The following RNF157 variants were observed in gnomAD, a reference collection of about 807,000 sequenced individuals.
The protein encoded by RNF157 is E3 ubiquitin ligase RNF157.
In RNF157, 55 loss-of-function variants were observed where a neutral mutation model predicts 88.3. The observed-to-expected ratio is 0.62, with a 90% CI of 0.50 to 0.78. The LOEUF is 0.78. RNF157 is among the 30% of genes least tolerant of loss of function. The probability of loss-of-function intolerance (pLI) is 0.00; values close to 1 mark genes in which losing one functional copy is unlikely to be tolerated. For missense variants in RNF157, 788 were observed against 860.8 expected (o/e 0.92, Z 1.06); for synonymous variants, 334 against 341.2 (o/e 0.98, Z 0.23).
rs1333545840 is a variant in RNF157 at position 76,157,895 on chromosome 17, C to T, written c.1413+498G>A. On this transcript the variant is annotated intron_variant, in intron 13 of 18. Transcript: ENST00000269391. This position sits in a 1 kb window ranked among gnomAD's most constrained non-coding sequence, Gnocchi z 5.6. Reference sequence around the variant, plus strand: ...GGGCCTCCCGACACCCCCCACTTACCCCCAGGACTTTCTCCTTGCTGTTCC... The same window carrying T: ...GGGCCTCCCGACACCCCCCACTTACTCCCAGGACTTTCTCCTTGCTGTTCC... Among the ~76,000 whole-genome samples, 3 of 152,006 alleles carry T rather than the reference C, an allele frequency of 2.0e-5. No individual in the cohort carries two copies. Among genetic ancestry groups the T allele is most frequent in the African/African-American group, 7.3e-5 (3 of 41,372 alleles).
chr17:76,194,149 A>C (rs80260056), intron 2 of RNF157, among the ~76,000 whole-genome samples: 1,648 of 152,346 alleles, frequency 0.011, 28 homozygotes, highest in African/African-American at 0.037. Flanking sequence ...AACACACACA[A>C]CAGTGTAACC....
intron 2 of RNF157, among the ~76,000 whole-genome samples, chr17:76,180,844 C>T (rs1344981638): frequency 6.6e-6 from 1 of 152,242 alleles, no homozygotes; most frequent in Non-Finnish European, 1.5e-5. Context: ...GCGGCCATCA[C>T]CGCCATCCAG....
chr17:76,154,079 G>A (rs2068723768), intron 17 of RNF157: 3 of 575,082 alleles, frequency 5.2e-6, no homozygotes, highest in Non-Finnish European at 6.2e-6. Flanking sequence ...TGGCTCTGAG[G>A]CCCAGAAAGA....
At chr17:76,164,673 G>T in intron 8 of RNF157, 75 bp downstream of exon 8, 1 of 812,690 alleles carries the variant, frequency 1.2e-6, no homozygotes, top group Non-Finnish European at 1.9e-6. Flanking sequence ...AAAAGAGGGA[G>T]AGAGAAGAAG....
At chr17:76,150,020 G>A (rs527694149) in intron 18 of RNF157, among the ~76,000 whole-genome samples, 3 of 152,168 alleles carry the variant, frequency 2.0e-5, no homozygotes, top group Non-Finnish European at 2.9e-5. Context: ...GCGACAGAGC[G>A]AGACTCTGTC....
intron 1 of RNF157, among the ~76,000 whole-genome samples, chr17:76,234,105 C>T (rs1163836167): frequency 6.6e-6 from 1 of 152,192 alleles, no homozygotes; most frequent in African/African-American, 2.4e-5. Context: ...CTCTTCTGGG[C>T]ATTTCTTATA....
chr17:76,194,802 T>A (rs1343952332), intron 2 of RNF157, among the ~76,000 whole-genome samples: 1 of 151,914 alleles, frequency 6.6e-6, no homozygotes, highest in African/African-American at 2.4e-5. Flanking sequence ...GATCACGAGG[T>A]CAGGAGATCG....
rs1598399250 is a variant in RNF157 at position 76,167,751 on chromosome 17, T to C, written c.343A>G (p.Lys115Glu). The C allele has an allele frequency of 3.1e-6, 5 of 1,614,204 alleles. No homozygotes were observed. Among genetic ancestry groups the C allele is most frequent in the Non-Finnish European group, 4.2e-6 (5 of 1,180,008 alleles). ...GTGAACTCAACATTGTAGTGGACTT[T>C]AGCTTTACTGGCCTCTTCTCCAGGG... ...KSPGEEASKA[K>E]VHYNVEFTFD... The change falls in exon 4 of 19, where the codon AAA (lysine) becomes GAA (glutamate). Residue 115 changes from lysine (K) to glutamate (E), a missense_variant. Coordinates refer to ENST00000269391, the MANE Select transcript of RNF157 (RefSeq NM_052916.3).
chr17:76,233,074 C>A (rs907735179), intron 1 of RNF157, among the ~76,000 whole-genome samples: 13 of 152,166 alleles, frequency 8.5e-5, no homozygotes, highest in Non-Finnish European at 1.8e-4. Context: ...GTACCGGCCA[C>A]CACGCCCAGC....
At chr17:76,219,392 T>C (rs2069943613) in intron 1 of RNF157, among the ~76,000 whole-genome samples, 1 of 151,842 alleles carries the variant, frequency 6.6e-6, no homozygotes, top group African/African-American at 2.4e-5. Context: ...TAAATACAAA[T>C]AGGCTTAATT....
intron 1 of RNF157, among the ~76,000 whole-genome samples, chr17:76,232,342 C>T (rs751178761): frequency 3.4e-4 from 51 of 151,878 alleles, no homozygotes; most frequent in Non-Finnish European, 6.3e-4. Flanking sequence ...GAGCTATGAT[C>T]GCACCACTGC....
Position 76,195,306 on chromosome 17 carries a change from G to A in RNF157, c.207+17058C>T, listed in dbSNP as rs2069460465. Among the ~76,000 whole-genome samples, 1 of 152,142 alleles carries A rather than the reference G, an allele frequency of 6.6e-6. No homozygotes were observed. Among genetic ancestry groups the A allele is most frequent in the African/African-American group, 2.4e-5 (1 of 41,418 alleles). On this transcript the variant is annotated intron_variant, in intron 2 of 18. Coordinates refer to ENST00000269391, the MANE Select transcript of RNF157 (RefSeq NM_052916.3). The surrounding 1 kb of genome is among the most constrained non-coding windows in gnomAD (Gnocchi z 4.4). ...TTTTCCAGACACCACGTAACCAGGAGATCACCTGTCTCTCCAACTTCATTG... is the reference window on the plus strand; with the variant it reads ...TTTTCCAGACACCACGTAACCAGGAAATCACCTGTCTCTCCAACTTCATTG...
intron 2 of RNF157, among the ~76,000 whole-genome samples, chr17:76,194,951 T>C (rs561037301): frequency 4.6e-5 from 7 of 151,206 alleles, no homozygotes; most frequent in East Asian, 3.9e-4. Flanking sequence ...GGAGGTGGAG[T>C]TTACAGTGAG....
rs1478992016 is a variant in RNF157, at chr17:76,156,338, G to T, written c.1414-17C>A. 6.2e-7 allele frequency: 1 copy of T among 1,613,808 alleles called. No individual in the cohort carries two copies. Among genetic ancestry groups the T allele is most frequent in the South Asian group, 1.1e-5 (1 of 91,044 alleles). On this transcript the variant is annotated splice_polypyrimidine_tract_variant and intron_variant, in intron 13 of 18. Coordinates refer to ENST00000269391, the MANE Select transcript of RNF157 (RefSeq NM_052916.3). ...ACCACATTCCTGGGGGTTGTGGGGGGACACAACAGGACATGGAGCAAGCGC... is the reference window on the plus strand; with the variant it reads ...ACCACATTCCTGGGGGTTGTGGGGGTACACAACAGGACATGGAGCAAGCGC...
intron 2 of RNF157, among the ~76,000 whole-genome samples, chr17:76,205,723 CTAAATAAATAAA>C (rs35839727): frequency 5.5e-4 from 81 of 146,816 alleles, no homozygotes; most frequent in East Asian, 1.4e-3. Flanking sequence ...GACTCCATCT[CTAAATAAATAAA>C]TAAATAAATA....
In RNF157 at chr17:76,159,593, G is replaced by T. The variant is rs1335791807; in HGVS notation, c.1066-20C>A. On this transcript the variant is annotated intron_variant, in intron 11 of 18. Transcript: ENST00000269391. Reference sequence around the variant, plus strand: ...TGAGGACTAGGGGAATCAGAGACAGGTTGAAAAATTAATTAGGTCCTTTTT... The same window carrying T: ...TGAGGACTAGGGGAATCAGAGACAGTTTGAAAAATTAATTAGGTCCTTTTT... 2.6e-6 allele frequency: 4 copies of T among 1,547,280 alleles called. No individual in the cohort carries two copies. The South Asian group carries it at 4.6e-5, about 18-fold the overall frequency.
intron 1 of RNF157, among the ~76,000 whole-genome samples, chr17:76,230,586 T>C (rs895461725): frequency 1.1e-4 from 16 of 152,140 alleles, no homozygotes; most frequent in Non-Finnish European, 2.9e-5. Flanking sequence ...ACACCTATAA[T>C]CCCAGCATTT....
At chr17:76,192,332 A>G (rs913624704) in intron 2 of RNF157, among the ~76,000 whole-genome samples, 2 of 152,180 alleles carry the variant, frequency 1.3e-5, no homozygotes, top group African/African-American at 4.8e-5. Flanking sequence ...AAGCTTTTAC[A>G]TGACTATTTT....
At chr17:76,190,341 A>G (rs1371280183) in intron 2 of RNF157, among the ~76,000 whole-genome samples, 1 of 151,886 alleles carries the variant, frequency 6.6e-6, no homozygotes, top group East Asian at 1.9e-4. Flanking sequence ...TAATTTTTAT[A>G]TTTTTAGTAG....
Sources: allele counts gnomAD v4.1 joint callset (sites outside exome capture counted in the v4.1 genomes callset), GRCh38; gene constraint gnomAD v4.1.1; non-coding constraint Gnocchi (gnomAD v3.1); transcripts MANE v1.5; gene names NCBI Gene and HGNC (gene_info 2026-07-23, HGNC 2026-07-21).